Variants in VWF observed in about 807,000 individuals in gnomAD.
VWF encodes Factor VIII related antigen.
In VWF, 176 loss-of-function variants were observed where a neutral mutation model predicts 308.6. That is an observed-to-expected ratio of 0.57 (90% CI 0.50 to 0.65). The LOEUF (loss-of-function observed/expected upper bound fraction) is 0.65. Ranked by LOEUF, VWF falls within the 30% of genes least tolerant of loss-of-function variation. VWF has a pLI of 0.00. For missense variants in VWF, 3,146 were observed against 3,648.2 expected (o/e 0.86, Z 3.55); for synonymous variants, 1,385 against 1,443.4 (o/e 0.96, Z 0.92).
At chr12:6,031,676 G>T in intron 20 of VWF, 98 bp from the exon 21 acceptor site, 1 of 1,585,664 alleles carries the variant, frequency 6.3e-7, no homozygotes. Flanking sequence ...TTGAGTACGT[G>T]TCACAGGATC....
chr12:6,003,908 C>T (rs571279623), intron 34 of VWF, among the ~76,000 whole-genome samples: 5 of 151,224 alleles, frequency 3.3e-5, no homozygotes, highest in African/African-American at 7.3e-5. Flanking sequence ...CTCCACCTCC[C>T]GGGTTCACGC....
chr12:6,012,034 A>G, intron 33 of VWF, 53 bp downstream of exon 33: 2 of 1,597,942 alleles, frequency 1.3e-6, no homozygotes, highest in African/African-American at 2.7e-5. Context: ...TGGGAACAAG[A>G]GCCCCAAACA....
In VWF at chr12:6,083,730, G is replaced by C. The variant is rs1396316479; in HGVS notation, c.658-8179C>G. ...CAATTTCCCACCCCCACGGGGCACA[G>C]AGCTGCTAGGAATAAGATTCCATTT... On this transcript the variant is annotated intron_variant, in intron 6 of 51. Transcript: ENST00000261405. Among the ~76,000 whole-genome samples the C allele has an allele frequency of 3.9e-5, 6 of 152,294 alleles. No individual in the cohort carries two copies. In the East Asian group the frequency reaches 1.2e-3, roughly 29 times the overall value.
intron 5 of VWF, 115 bp downstream of exon 5, chr12:6,110,259 G>T: frequency 9.1e-7 from 1 of 1,098,936 alleles, no homozygotes; most frequent in South Asian, 1.2e-5. Flanking sequence ...CATAAATTGA[G>T]GTGAGGTCAC....
chr12:6,057,042 A>G lies in VWF; in HGVS notation c.1760T>C (p.Leu587Pro). The part of the protein sequence containing the change: ...TRFSEEACAV[L>P]TSPTFEACHR... ...GCAGGCCTCGAATGTGGGGGACGTC[A>G]GGACCGCGCACGCCTCCTCGGAGAA... Residue 587 changes from leucine (L) to proline (P), a missense_variant, in exon 15 of 52, where the codon CTG becomes CCG. Around this residue, in one of 3 missense-constraint regions of VWF, gnomAD observed 1,304 missense variants for 1,353.0 expected, o/e 0.96. Transcript: ENST00000261405. 6.5e-7 allele frequency: 1 copy of G among 1,546,186 alleles called. No individual in the cohort carries two copies. The highest frequency in any genetic ancestry group is 8.7e-7 in the Non-Finnish European group (1 of 1,151,834).
intron 47 of VWF, among the ~76,000 whole-genome samples, chr12:5,957,584 ATAACACAAGCC>A (rs1943265603): frequency 6.6e-6 from 1 of 151,820 alleles, no homozygotes; most frequent in African/African-American, 2.4e-5. Flanking sequence ...GTCATCAGAA[ATAACACAAGCC>A]AAAGACTAAG....
intron 6 of VWF, among the ~76,000 whole-genome samples, chr12:6,079,369 GGCC>G (rs1944878326): frequency 6.6e-6 from 1 of 152,186 alleles, no homozygotes; most frequent in South Asian, 2.1e-4. Flanking sequence ...CACTTTTGGA[GGCC>G]AAGGCGGGCG....
intron 24 of VWF, 126 bp downstream of exon 24, chr12:6,025,454 G>A: frequency 6.3e-6 from 5 of 788,734 alleles, no homozygotes; most frequent in Non-Finnish European, 1.1e-5. Context: ...AAGCCGAAGT[G>A]GTGTCTTGGT....
chr12:6,118,684 T>G (rs535806873), intron 3 of VWF, among the ~76,000 whole-genome samples: 2 of 152,022 alleles, frequency 1.3e-5, no homozygotes, highest in Non-Finnish European at 2.9e-5. Context: ...ATTGCACCCG[T>G]GCACCCGGCC....
Position 6,056,227 on chromosome 12 carries a change from CCCG to C in VWF, c.1945+627_1945+629del. The stretch of plus-strand genomic sequence containing the variant: ...TTGGAGTTCCACATCATCACTGTTG[CCCG>C]ACCACACTGGGCATGCAGCAAATGT... On this transcript the variant is annotated intron_variant, in intron 15 of 51. Transcript: ENST00000261405. Among the ~76,000 whole-genome samples, 2 of 148,572 alleles carry C rather than the reference CCCG, an allele frequency of 1.3e-5. 1 individual carries two copies.
At chr12:6,091,372 T>TTAGATA (rs1388359150) in intron 6 of VWF, among the ~76,000 whole-genome samples, 1 of 152,160 alleles carries the variant, frequency 6.6e-6, no homozygotes, top group Non-Finnish European at 1.5e-5. Flanking sequence ...ATGTACTTAC[T>TTAGATA]TAGATAAATC....
At position 6,037,067 on chromosome 12, in the gene VWF, T is replaced by C. The variant is rs558170097; in HGVS notation, c.2443-576A>G. Among the ~76,000 whole-genome samples, 9 of 152,324 alleles carry C rather than the reference T, an allele frequency of 5.9e-5. No individual in the cohort carries two copies. In the South Asian group the frequency reaches 1.7e-3, roughly 28 times the overall value. On this transcript the variant is annotated intron_variant, in intron 18 of 51. Coordinates refer to ENST00000261405, the MANE Select transcript of VWF (RefSeq NM_000552.5). ...TCTTAAATGAAGTGAGAAATACTTA[T>C]GCTGTTAATTTTTAACACAGGAAGA...
chr12:6,084,801 G>T (rs1944950355), intron 6 of VWF, among the ~76,000 whole-genome samples: 2 of 152,102 alleles, frequency 1.3e-5, no homozygotes, highest in African/African-American at 4.8e-5. Context: ...AGTCTGAGCT[G>T]CTCCAAAGTA....
Position 5,949,113 on chromosome 12 carries a change from T to C in VWF, c.8344A>G (p.Met2782Val). 3 of 1,614,234 alleles carry C rather than the reference T, an allele frequency of 1.9e-6. No homozygotes were observed. The highest frequency in any genetic ancestry group is 1.3e-5 in the African/African-American group (1 of 75,076). The change falls in exon 52 of 52, where the codon ATG becomes GTG. Residue 2782 changes from methionine to valine, a missense_variant. By Grantham distance (21) the Met-to-Val change is conservative. Coordinates refer to ENST00000261405, the MANE Select transcript of VWF (RefSeq NM_000552.5). The part of the protein sequence containing the change: ...SCCSPTRTEP[M>V]QVALHCTNGS... ...TTGGTGCAGTGCAGGGCCACCTGCA[T>C]GGGCTCCGTCCGTGTCGGAGAGCAG... is the stretch of plus-strand genomic sequence containing the variant.
chr12:5,987,388 A>C (rs1486745875), intron 38 of VWF, among the ~76,000 whole-genome samples: 2 of 152,270 alleles, frequency 1.3e-5, no homozygotes, highest in East Asian at 1.9e-4. Context: ...ACAAATAATG[A>C]AACTGAGACA....
chr12:6,089,926 AAAAG>A (rs1346887382), intron 6 of VWF, among the ~76,000 whole-genome samples: 4 of 151,896 alleles, frequency 2.6e-5, no homozygotes, highest in African/African-American at 7.3e-5. Flanking sequence ...GTTTGGGAAA[AAAAG>A]AAAGAAATTA....
intron 44 of VWF, among the ~76,000 whole-genome samples, chr12:5,971,255 G>A (rs1943469800): frequency 6.6e-6 from 1 of 152,250 alleles, no homozygotes; most frequent in African/African-American, 2.4e-5. Context: ...ATGTGGTCCA[G>A]AACAGTACTT....
chr12:6,119,040 A>G (rs1313259467), intron 3 of VWF, among the ~76,000 whole-genome samples: 1 of 151,976 alleles, frequency 6.6e-6, no homozygotes, highest in Admixed American at 6.6e-5. Context: ...TCCGCCTCCT[A>G]CCTCTCTCCT....
intron 6 of VWF, among the ~76,000 whole-genome samples, chr12:6,090,082 C>T (rs1227241329): frequency 1.3e-5 from 2 of 152,028 alleles, no homozygotes; most frequent in Non-Finnish European, 2.9e-5. Context: ...CTCAGCCTCC[C>T]GAGTAGCTGG....
Sources: allele counts gnomAD v4.1 joint callset (sites outside exome capture counted in the v4.1 genomes callset), GRCh38; gene constraint gnomAD v4.1.1; regional missense constraint gnomAD v4.1.1; transcripts MANE v1.5; gene names NCBI Gene and HGNC (gene_info 2026-07-23, HGNC 2026-07-21).